The following RIMKLB variants were observed in gnomAD, a reference collection of about 807,000 sequenced individuals.
RIMKLB encodes the protein ribosomal modification protein rimK like family member B.
RIMKLB carries 7 observed loss-of-function variants against 32.0 expected under a neutral mutation model. The observed-to-expected ratio is 0.22, with a 90% CI of 0.12 to 0.41. The LOEUF (loss-of-function observed/expected upper bound fraction) is 0.41, where lower values mean the gene tolerates loss of function less well. RIMKLB is among the 10% of genes least tolerant of loss of function. The pLI, the probability that RIMKLB is intolerant of heterozygous loss-of-function variation, is 1.00. For synonymous variants in RIMKLB, 172 were observed against 185.1 expected, an observed-to-expected ratio of 0.93 and a Z score of 0.57; for missense variants, 289 against 498.7, an observed-to-expected ratio of 0.58 and a Z score of 4.00.
At chr12:8,722,926 A>G (rs747674129) in intron 2 of RIMKLB, among the ~76,000 whole-genome samples, 21 of 152,254 alleles carry the variant, frequency 1.4e-4, no homozygotes, top group Non-Finnish European at 2.5e-4. Context: ...TACTCTAGAT[A>G]AGGCTTTGCC....
intron 5 of RIMKLB, among the ~76,000 whole-genome samples, chr12:8,758,146 G>C (rs1949217730): frequency 6.6e-6 from 1 of 151,466 alleles, no homozygotes; most frequent in African/African-American, 2.4e-5. Context: ...TTATGCATCT[G>C]TTTGCTTTTT....
intron 2 of RIMKLB, among the ~76,000 whole-genome samples, chr12:8,739,401 T>C (rs1234746131): frequency 6.6e-6 from 1 of 152,194 alleles, no homozygotes; most frequent in Non-Finnish European, 1.5e-5. Context: ...CAGGCTGGTG[T>C]TGAACTCCTG....
intron 1 of RIMKLB, among the ~76,000 whole-genome samples, chr12:8,701,130 G>GAA (rs1207441421): frequency 6.6e-6 from 1 of 152,100 alleles, no homozygotes; most frequent in African/African-American, 2.4e-5. Context: ...CTGCGATAGT[G>GAA]AAAAAAGTAT....
downstream of RIMKLB, among the ~76,000 whole-genome samples, chr12:8,778,317 G>C (rs1411286094): frequency 6.6e-6 from 1 of 152,136 alleles, no homozygotes; most frequent in African/African-American, 2.4e-5. Context: ...GCTTCTCTCT[G>C]TGACTTTATA....
At chr12:8,779,069 G>A (rs1950894475), downstream of RIMKLB, 2 of 152,164 alleles carry the variant, frequency 1.3e-5, no homozygotes, top group South Asian at 4.1e-4. Flanking sequence ...CTGCACTCAT[G>A]CAAGAATTTG....
upstream of RIMKLB, among the ~76,000 whole-genome samples, chr12:8,678,116 A>T (rs1311531035): frequency 5.3e-5 from 8 of 150,700 alleles, no homozygotes; most frequent in African/African-American, 1.9e-4. Flanking sequence ...AGCCATACTG[A>T]ATTACTTGCA....
At chr12:8,722,510 A>T (rs796970814) in intron 2 of RIMKLB, among the ~76,000 whole-genome samples, 9 of 152,294 alleles carry the variant, frequency 5.9e-5, no homozygotes, top group African/African-American at 2.2e-4. Context: ...AACTTTTAAG[A>T]ACCCTAGGAT....
At chr12:8,750,176 C>A in intron 3 of RIMKLB, 84 bp downstream of exon 3, 2 of 787,370 alleles carry the variant, frequency 2.5e-6, no homozygotes, top group Non-Finnish European at 4.3e-6. Context: ...TGAAAGAACA[C>A]CTTATAGAAG....
At chr12:8,750,479 C>T (rs1403434629) in intron 3 of RIMKLB, among the ~76,000 whole-genome samples, 1 of 152,110 alleles carries the variant, frequency 6.6e-6, no homozygotes, top group South Asian at 2.1e-4. Flanking sequence ...AGTTTGCCAA[C>T]CTCTGTGGTA....
At chr12:8,741,828 C>G (rs765068984) in intron 2 of RIMKLB, among the ~76,000 whole-genome samples, 2 of 151,932 alleles carry the variant, frequency 1.3e-5, no homozygotes, top group African/African-American at 2.4e-5. Context: ...CAGTTATACC[C>G]CAGACCTCAG....
upstream of RIMKLB, among the ~76,000 whole-genome samples, chr12:8,696,975 C>CTA (rs377118102): frequency 5.9e-4 from 90 of 151,874 alleles, 1 homozygote; most frequent in African/African-American, 2.1e-3. Flanking sequence ...TTTTTTTTCT[C>CTA]CTTAAGAAAA....
downstream of RIMKLB, chr12:8,779,923 G>T (rs1395051933): frequency 1.3e-5 from 2 of 152,132 alleles, no homozygotes; most frequent in Non-Finnish European, 2.9e-5. Context: ...TTGAGGAAAT[G>T]TGCATCTATG....
chr12:8,693,402 T>C (rs1942788330), upstream of RIMKLB, among the ~76,000 whole-genome samples: 1 of 84,300 alleles, frequency 1.2e-5, no homozygotes. Flanking sequence ...TCTTTCTTTC[T>C]TTTTTTTTTT....
intron 2 of RIMKLB, among the ~76,000 whole-genome samples, chr12:8,729,780 A>C (rs1946375682): frequency 6.6e-6 from 1 of 151,996 alleles, no homozygotes. Context: ...AGTCCATTTT[A>C]TGTGTTTGCT....
chr12:8,782,904 C>T (rs953919236), intron 7 of RIMKLB: 1 of 151,924 alleles, frequency 6.6e-6, no homozygotes, highest in Non-Finnish European at 1.5e-5. Context: ...TGTGTTTTTC[C>T]CCCCTAGGTT....
At chr12:8,695,178 G>GCCGCCCCGCCCCGCCCCC (rs1374422673), upstream of RIMKLB, among the ~76,000 whole-genome samples, 464 of 149,042 alleles carry the variant, frequency 3.1e-3, 1 homozygote, top group African/African-American at 5.5e-3. Context: ...GGATTCAATT[G>GCCGCCCCGCCCCGCCCCC]CCGCACCGCC....
intron 1 of RIMKLB, among the ~76,000 whole-genome samples, chr12:8,690,441 G>A (rs982812100): frequency 6.6e-6 from 1 of 152,178 alleles, no homozygotes; most frequent in African/African-American, 2.4e-5. Context: ...ACTTTACTAA[G>A]AAGTGGGGGG....
At chr12:8,747,840 C>T (rs1948235704) in intron 2 of RIMKLB, among the ~76,000 whole-genome samples, 1 of 151,838 alleles carries the variant, frequency 6.6e-6, no homozygotes. Flanking sequence ...ACTGCAACCT[C>T]CGCCTCCCGA....
chr12:8,773,818 A>G lies in RIMKLB; in HGVS notation c.*34A>G. The G allele has an allele frequency of 3.8e-6, 6 of 1,562,762 alleles. No homozygotes were observed. Among genetic ancestry groups the G allele is most frequent in the Non-Finnish European group, 5.2e-6 (6 of 1,154,492 alleles). ...GTAATTAACCAACAAAACCCTTGTA[A>G]AACTTTCTTTCTTCTTTTCTATTTT... On this transcript the variant is annotated 3_prime_UTR_variant, in exon 6 of 6. Transcript: ENST00000535829.
Sources: allele counts gnomAD v4.1 joint callset (sites outside exome capture counted in the v4.1 genomes callset), GRCh38; gene constraint gnomAD v4.1.1; transcripts MANE v1.5; gene names NCBI Gene and HGNC (gene_info 2026-07-23, HGNC 2026-07-21).